Variants in UPF2 observed in about 807,000 individuals in gnomAD.
The protein encoded by UPF2 is UPF2 regulator of nonsense mediated mRNA decay, also known as regulator of nonsense transcripts 2.
In UPF2, 17 loss-of-function variants were observed where a neutral mutation model predicts 141.4. The ratio of observed to expected loss-of-function variants is 0.12; its 90% CI spans 0.08 to 0.18. The LOEUF is 0.18. Among genes scored for constraint, UPF2 ranks in the 10% least tolerant of loss-of-function variants. The pLI, the probability that UPF2 is intolerant of heterozygous loss-of-function variation, is 1.00. For missense variants in UPF2, 1,152 were observed against 1,515.9 expected, an observed-to-expected ratio of 0.76 and a Z score of 3.99; for synonymous variants, 540 against 498.0, an observed-to-expected ratio of 1.08 and a Z score of -1.12.
intron 8 of UPF2, among the ~76,000 whole-genome samples, chr10:11,984,263 T>C (rs1833649086): frequency 6.6e-6 from 1 of 152,228 alleles, no homozygotes. Flanking sequence ...TACCGTTCTA[T>C]GTGGGTATTT....
Position 11,998,430 on chromosome 10 carries a change from T to C in UPF2, c.1759-673A>G, listed in dbSNP as rs1038732614. 2.0e-5 allele frequency among the ~76,000 whole-genome samples: 3 copies of C among 152,160 alleles called. No individual in the cohort carries two copies. Among genetic ancestry groups the C allele is most frequent in the African/African-American group, 7.2e-5 (3 of 41,448 alleles). ...CAAGGTCTCACTCTGTCACCCAGGC[T>C]GGGGTGCAGTGGCACAATCATGGCT... On this transcript the variant is annotated intron_variant, in intron 7 of 21. Coordinates refer to ENST00000357604, the MANE Select transcript of UPF2 (RefSeq NM_015542.4). This position sits in a 1 kb window ranked among gnomAD's most constrained non-coding sequence, Gnocchi z 4.5.
chr10:12,029,964 A>G (rs1282895427), intron 2 of UPF2, among the ~76,000 whole-genome samples: 1 of 151,704 alleles, frequency 6.6e-6, no homozygotes, highest in Non-Finnish European at 1.5e-5. Flanking sequence ...TCTCAAAAAA[A>G]AAAAAACAAA....
chr10:12,032,855 G>A (rs1024250452), intron 2 of UPF2, among the ~76,000 whole-genome samples: 4 of 152,074 alleles, frequency 2.6e-5, no homozygotes, highest in Admixed American at 1.3e-4. Flanking sequence ...GTCCTGGCCA[G>A]GGGTGGTGGC....
chr10:12,026,599 T>G (rs1002538129), intron 3 of UPF2: 12 of 449,682 alleles, frequency 2.7e-5, no homozygotes, highest in Non-Finnish European at 4.9e-5. Flanking sequence ...TGGACACTTC[T>G]GTAAAAATAT....
At position 11,956,926 on chromosome 10, in the gene UPF2, T is replaced by A. The variant is rs1833161139; in HGVS notation, c.2371-403A>T. 6.6e-6 allele frequency among the ~76,000 whole-genome samples: 1 copy of A among 152,040 alleles called. No homozygotes were observed. Among genetic ancestry groups the A allele is most frequent in the Admixed American group, 6.6e-5 (1 of 15,262 alleles). On this transcript the variant is annotated intron_variant, in intron 12 of 21. Coordinates refer to ENST00000357604, the MANE Select transcript of UPF2 (RefSeq NM_015542.4). This position sits in a 1 kb window ranked among gnomAD's most constrained non-coding sequence, Gnocchi z 4.2. ...ACCTCCTCCTCCATGGCTCAAGCAA[T>A]CCTCCCACCTCAGTCCCCCAAATAG...
intron 3 of UPF2, among the ~76,000 whole-genome samples, chr10:12,025,279 G>A (rs903494602): frequency 2.6e-5 from 4 of 152,058 alleles, no homozygotes; most frequent in African/African-American, 7.2e-5. Context: ...GGCCAGGCAC[G>A]GTGGCTGACG....
chr10:11,930,219 A>G (rs1832766242), intron 20 of UPF2, among the ~76,000 whole-genome samples: 1 of 152,228 alleles, frequency 6.6e-6, no homozygotes, highest in South Asian at 2.1e-4. Context: ...GCCACCACAT[A>G]GCTATATTAT....
chr10:11,981,382 G>A (rs1048968616), intron 8 of UPF2, among the ~76,000 whole-genome samples: 2 of 152,072 alleles, frequency 1.3e-5, no homozygotes, highest in Non-Finnish European at 2.9e-5. Flanking sequence ...ACTTTATAAG[G>A]TGGATATTAC....
intron 4 of UPF2, among the ~76,000 whole-genome samples, chr10:12,007,751 A>C (rs570931941): frequency 6.6e-6 from 1 of 151,670 alleles, no homozygotes; most frequent in Admixed American, 6.6e-5. Flanking sequence ...AAATGGTGTG[A>C]ACCCGGGGAG....
At chr10:11,960,888 T>A (rs1833229126) in intron 11 of UPF2, among the ~76,000 whole-genome samples, 1 of 152,030 alleles carries the variant, frequency 6.6e-6, no homozygotes, top group Non-Finnish European at 1.5e-5. Flanking sequence ...GGCCGGGAGT[T>A]CGAGAGCAGT....
At chr10:11,949,747 C>G (rs1005960220) in intron 15 of UPF2, among the ~76,000 whole-genome samples, 2 of 152,136 alleles carry the variant, frequency 1.3e-5, no homozygotes, top group Admixed American at 1.3e-4. Flanking sequence ...TTGAACACTT[C>G]CAAACCAGAA....
chr10:11,987,405 TA>T (rs1246483347), intron 8 of UPF2, among the ~76,000 whole-genome samples: 1 of 152,180 alleles, frequency 6.6e-6, no homozygotes, highest in Admixed American at 6.5e-5. Flanking sequence ...TATAATTACC[TA>T]TAAAATAAAA....
chr10:11,964,269 T>G (rs1833284538), intron 10 of UPF2, 144 bp from the exon 11 acceptor site: 1 of 468,104 alleles, frequency 2.1e-6, no homozygotes, highest in East Asian at 3.4e-5. Context: ...CTGAGCATCT[T>G]TTGTGTTCTG....
chr10:12,009,903 T>C (rs1425088592), intron 4 of UPF2, among the ~76,000 whole-genome samples: 1 of 152,210 alleles, frequency 6.6e-6, no homozygotes, highest in Non-Finnish European at 1.5e-5. Context: ...TCAGCCTCTA[T>C]GTGTGAGGAA....
chr10:11,992,577 G>A lies in UPF2; in HGVS notation c.1844+5095C>T, dbSNP rs993340967. ...AAAACCAAGAAACATACACTCATGC[G>A]TGCACACTAAATTAAAAAATATAAA... On this transcript the variant is annotated intron_variant, in intron 8 of 21. Transcript: ENST00000357604. The surrounding 1 kb of genome is among the most constrained non-coding windows in gnomAD (Gnocchi z 4.1). Among the ~76,000 whole-genome samples the A allele has an allele frequency of 4.0e-5, 6 of 151,854 alleles. No individual in the cohort carries two copies. Among genetic ancestry groups the A allele is most frequent in the East Asian group, 3.8e-4 (2 of 5,198 alleles).
intron 11 of UPF2, among the ~76,000 whole-genome samples, chr10:11,963,399 G>C (rs1161235821): frequency 6.6e-6 from 1 of 152,092 alleles, no homozygotes; most frequent in Non-Finnish European, 1.5e-5. Flanking sequence ...GTGCAGTGGC[G>C]AGATCATGAC....
At chr10:11,947,196 C>G (rs903256513) in intron 16 of UPF2, among the ~76,000 whole-genome samples, 3 of 152,156 alleles carry the variant, frequency 2.0e-5, no homozygotes, top group Non-Finnish European at 4.4e-5. Flanking sequence ...TGAAGGCTGT[C>G]TCAAACAACA....
chr10:11,972,464 T>A (rs900488641), intron 9 of UPF2, among the ~76,000 whole-genome samples: 15 of 152,176 alleles, frequency 9.9e-5, no homozygotes, highest in African/African-American at 3.4e-4. Context: ...ACATGTGCCA[T>A]GTTGGTGTGC....
intron 14 of UPF2, among the ~76,000 whole-genome samples, chr10:11,954,701 C>T (rs150073312): frequency 0.021 from 3,051 of 146,900 alleles, 46 homozygotes; most frequent in Non-Finnish European, 0.033. Flanking sequence ...TTGGGCTGGG[C>T]GCGATGGTTC....
Sources: gnomAD v4.1 joint callset for allele counts (sites outside exome capture counted in the v4.1 genomes callset) on GRCh38, gnomAD v4.1.1 for gene constraint, Gnocchi (gnomAD v3.1) non-coding constraint, MANE v1.5 for transcripts, NCBI Gene and HGNC (gene_info 2026-07-23, HGNC 2026-07-21) for gene names.